Variants in WFIKKN1 observed in about 807,000 individuals in gnomAD.
WFIKKN1 encodes the protein WAP, Kazal, immunoglobulin, Kunitz and NTR domain-containing protein 1.
In WFIKKN1, 6 loss-of-function variants were observed where a neutral mutation model predicts 4.6. The observed-to-expected ratio is 1.31, with a 90% CI of 0.72 to 2.59. The LOEUF (loss-of-function observed/expected upper bound fraction) is 2.59. Among genes scored for constraint, WFIKKN1 ranks in the 30% most tolerant of loss-of-function variants. The pLI is 0.00. For missense variants in WFIKKN1, 964 were observed against 818.0 expected (o/e 1.18, Z -2.18); for synonymous variants, 468 against 367.4 (o/e 1.27, Z -3.13).
chr16:633,397 C>G lies in WFIKKN1; in HGVS notation c.987C>G (p.Phe329Leu). Reference sequence around the variant, plus strand: ...CGCAGCGGGGCGGCTGCATGACCTTCCCGGCCCGTGGCTGTGATGGGGCGG... The same window carrying G: ...CGCAGCGGGGCGGCTGCATGACCTTGCCGGCCCGTGGCTGTGATGGGGCGG... ...YDPQRGGCMT[F>L]PARGCDGAAR... The change falls in exon 2 of 2, where the codon TTC becomes TTG. Residue 329 changes from phenylalanine (F) to leucine (L), a missense_variant. Transcript: ENST00000319070. The G allele has an allele frequency of 1.3e-6, 2 of 1,561,358 alleles. No individual in the cohort carries two copies. The highest frequency in any genetic ancestry group is 2.4e-5 in the South Asian group (2 of 85,048).
At position 632,847 on chromosome 16, in the gene WFIKKN1, G is replaced by A. The variant is rs913631372; in HGVS notation, c.437G>A (p.Cys146Tyr). 4.5e-6 allele frequency: 7 copies of A among 1,572,166 alleles called. No individual in the cohort carries two copies. The Admixed American group carries it at 7.1e-5, about 16-fold the overall frequency. The change falls in exon 2 of 2, where the codon TGC (cysteine) becomes TAC (tyrosine). Residue 146 changes from cysteine (C) to tyrosine (Y), a missense_variant. By Grantham distance (194) the Cys-to-Tyr change is radical. Coordinates refer to ENST00000319070, the MANE Select transcript of WFIKKN1 (RefSeq NM_053284.3). ...YNRCYMDAEA[C>Y]LRGLHLHIVP... ...CGCTGCTATATGGACGCCGAGGCCT[G>A]CCTGCGGGGCCTGCACCTCCACATC...
chr16:633,316 T>C lies in WFIKKN1; in HGVS notation c.906T>C (p.Asp302=), dbSNP rs1196807273. The C allele has an allele frequency of 1.3e-6, 2 of 1,593,858 alleles. No individual in the cohort carries two copies. The highest frequency in any genetic ancestry group is 1.7e-6 in the Non-Finnish European group (2 of 1,174,698). ...CAGCCCCGGCCGAGTGCCTGCCGGA[T>C]GTGCAGGCCTGCACGGGCCCCACTT... is the stretch of plus-strand genomic sequence containing the variant. ...SIPAPAECLP[D]VQACTGPTSP... is the part of the protein sequence containing the mutation. Residue 302 remains aspartate (D), a synonymous_variant, in exon 2 of 2, where the codon GAT becomes GAC. Coordinates refer to ENST00000319070, the MANE Select transcript of WFIKKN1 (RefSeq NM_053284.3).
Position 633,541 on chromosome 16 carries a change from C to A in WFIKKN1, c.1131C>A (p.Tyr377Ter). The A allele has an allele frequency of 6.5e-7, 1 of 1,530,532 alleles. No homozygotes were observed. The highest frequency in any genetic ancestry group is 2.0e-5 in the Admixed American group (1 of 48,794). 94.8% of individuals were successfully genotyped at this position (1,530,532 alleles called of 1,614,324 possible). A position where few individuals can be genotyped will look rare whatever the true frequency, so the allele number is the denominator to read the frequency against. The stretch of plus-strand genomic sequence containing the variant: ...GGGGCTGGGAGCCGCGCTGGGCCTA[C>A]AGCCCGCTGCTGCAGCAGTGCCATC... Reference protein sequence around the residue: ...PCRGWEPRWAYSPLLQQCHPF... With the variant: ...PCRGWEPRWA The change falls in exon 2 of 2, where the codon TAC becomes TAA. Residue 377 changes from tyrosine to a stop codon, truncating the protein, a stop_gained. Transcript: ENST00000319070. LOFTEE classifies it low-confidence loss of function (END_TRUNC).
chr16:632,405 GC>G, intron 1 of WFIKKN1, 176 bp from the exon 2 acceptor site: 1 of 654,542 alleles, frequency 1.5e-6, no homozygotes, highest in Admixed American at 4.0e-5. Flanking sequence ...AAGCCAGGTG[GC>G]ACCTCTGGCG....
chr16:633,160 C>A lies in WFIKKN1; in HGVS notation c.750C>A (p.Leu250=). The A allele has an allele frequency of 1.9e-6, 3 of 1,600,768 alleles. No individual in the cohort carries two copies. The South Asian group carries it at 3.3e-5, about 18-fold the overall frequency. The change falls in exon 2 of 2, where the codon CTC becomes CTA. Residue 250 remains leucine, a synonymous_variant. Transcript: ENST00000319070. Reference sequence around the variant, plus strand: ...TCACCAGCATCGGGCAGCTGGTGCTCTACAACGCGCGGCCCGAAGACGCCG... The same window carrying A: ...TCACCAGCATCGGGCAGCTGGTGCTATACAACGCGCGGCCCGAAGACGCCG... ...VVVTSIGQLV[L]YNARPEDAGL...
In WFIKKN1 at chr16:633,238, C is replaced by T; in HGVS notation, c.828C>T (p.Phe276=). Residue 276 remains phenylalanine, a synonymous_variant, in exon 2 of 2, where the codon TTC becomes TTT. Transcript: ENST00000319070. Reference sequence around the variant, plus strand: ...CTGCTGGGCTGCTGCGGGCTGACTTCCCACTCTCTGTGGTCCAGCGAGAGC... The same window carrying T: ...CTGCTGGGCTGCTGCGGGCTGACTTTCCACTCTCTGTGGTCCAGCGAGAGC... The part of the protein sequence containing the change: ...RNAAGLLRAD[F]PLSVVQREPA... 1 of 1,588,678 alleles carries T rather than the reference C, an allele frequency of 6.3e-7. No individual in the cohort carries two copies. Among genetic ancestry groups the T allele is most frequent in the Non-Finnish European group, 8.6e-7 (1 of 1,169,162 alleles).
Position 632,852 on chromosome 16 carries a change from C to A in WFIKKN1, c.442C>A (p.Arg148=). ...CTATATGGACGCCGAGGCCTGCCTGCGGGGCCTGCACCTCCACATCGTGCC... is the reference window on the plus strand; with the variant it reads ...CTATATGGACGCCGAGGCCTGCCTGAGGGGCCTGCACCTCCACATCGTGCC... ...RCYMDAEACL[R]GLHLHIVPCK... Residue 148 remains arginine, a synonymous_variant, in exon 2 of 2, where the codon CGG becomes AGG. Transcript: ENST00000319070. The A allele has an allele frequency of 6.4e-7, 1 of 1,572,968 alleles. No individual in the cohort carries two copies. The highest frequency in any genetic ancestry group is 8.6e-7 in the Non-Finnish European group (1 of 1,157,052).
Position 631,425 on chromosome 16 carries a change from G to T in WFIKKN1, c.171+1G>T. On this transcript the variant is annotated splice_donor_variant, in intron 1 of 1. Transcript: ENST00000319070. LOFTEE classifies it high-confidence loss of function. ...TGAGCGCGAGTGTAGCAGGGACCAGGTGAGTGTGGTCGGGCCGGGGTCCTG... is the reference window on the plus strand; with the variant it reads ...TGAGCGCGAGTGTAGCAGGGACCAGTTGAGTGTGGTCGGGCCGGGGTCCTG... The T allele has an allele frequency of 6.2e-7, 1 of 1,606,510 alleles. No individual in the cohort carries two copies.
chr16:633,574 G>A lies in WFIKKN1; in HGVS notation c.1164G>A (p.Val388=). 2 of 1,565,924 alleles carry A rather than the reference G, an allele frequency of 1.3e-6. No homozygotes were observed. The highest frequency in any genetic ancestry group is 1.7e-6 in the Non-Finnish European group (2 of 1,163,210). The part of the protein sequence containing the change: ...SPLLQQCHPF[V]YGGCEGNGNN... The stretch of plus-strand genomic sequence containing the variant: ...TGCTGCAGCAGTGCCATCCCTTCGT[G>A]TACGGTGGCTGCGAGGGCAACGGCA... Residue 388 remains valine (V), a synonymous_variant, in exon 2 of 2, where the codon GTG becomes GTA. Coordinates refer to ENST00000319070, the MANE Select transcript of WFIKKN1 (RefSeq NM_053284.3).
intron 1 of WFIKKN1, 161 bp downstream of exon 1, chr16:631,585 T>C (rs570755896): frequency 1.2e-6 from 1 of 840,812 alleles, no homozygotes; most frequent in African/African-American, 2.0e-5. Context: ...CCCTCATTTG[T>C]CTTAAGAATA....
Position 631,127 on chromosome 16 carries a change from C to A in WFIKKN1, c.-127C>A. On this transcript the variant is annotated 5_prime_UTR_variant, in exon 1 of 2. Coordinates refer to ENST00000319070, the MANE Select transcript of WFIKKN1 (RefSeq NM_053284.3). ...CTTCAGCCTCAGGGGCAAAAGGGAG[C>A]CCCGGGGTCCTGGTGGGGGCACCGA... The A allele has an allele frequency of 8.9e-7, 1 of 1,127,104 alleles. No homozygotes were observed. The highest frequency in any genetic ancestry group is 1.2e-6 in the Non-Finnish European group (1 of 824,206). The allele number at this position is 1,127,104 out of a possible 1,614,324, so 69.8% of individuals were successfully genotyped here. A position where few individuals can be genotyped will look rare whatever the true frequency, so the allele number is the denominator to read the frequency against.
rs767633977 is a variant in WFIKKN1, at chr16:633,044, C to T, written c.634C>T (p.Arg212Cys). The T allele has an allele frequency of 1.2e-5, 19 of 1,611,348 alleles. No homozygotes were observed. In the Middle Eastern group the frequency reaches 6.6e-4, roughly 56 times the overall value. Residue 212 changes from arginine to cysteine, a missense_variant, in exon 2 of 2, where the codon CGC (arginine) becomes TGC (cysteine). Arg to Cys is a radical substitution (Grantham distance 180). Transcript: ENST00000319070. ...CAGCCTCCACTGCGACGTCAGCGGCCGCCCGCCGCCTGCTGTGACCTGGGA... is the reference window on the plus strand; with the variant it reads ...CAGCCTCCACTGCGACGTCAGCGGCTGCCCGCCGCCTGCTGTGACCTGGGA... ...TASLHCDVSG[R>C]PPPAVTWEKQ...
chr16:633,493 G>A lies in WFIKKN1; in HGVS notation c.1083G>A (p.Leu361=). The change falls in exon 2 of 2, where the codon CTG becomes CTA. Residue 361 remains leucine, a synonymous_variant. Transcript: ENST00000319070. ...CARGPGDACV[L]PAVQGPCRGW... is the part of the protein sequence containing the mutation. ...GCGGCCCCGGCGACGCCTGCGTGCT[G>A]CCTGCCGTGCAGGGCCCCTGCCGGG... 6.6e-7 allele frequency: 1 copy of A among 1,516,700 alleles called. No homozygotes were observed. 94.0% of individuals were successfully genotyped at this position (1,516,700 alleles called of 1,614,324 possible).
In WFIKKN1 at chr16:631,006, G is replaced by T; in HGVS notation, c.-248G>T. 1.9e-6 allele frequency: 1 copy of T among 528,502 alleles called. No individual in the cohort carries two copies. Among genetic ancestry groups the T allele is most frequent in the Non-Finnish European group, 3.4e-6 (1 of 298,174 alleles). 32.7% of individuals were successfully genotyped at this position (528,502 alleles called of 1,614,324 possible). A position where few individuals can be genotyped will look rare whatever the true frequency, so the allele number is the denominator to read the frequency against. On this transcript the variant is annotated 5_prime_UTR_variant, in exon 1 of 2. Coordinates refer to ENST00000319070, the MANE Select transcript of WFIKKN1 (RefSeq NM_053284.3). Reference sequence around the variant, plus strand: ...GTTCAGACAGAGGGGCCAGGCTGAAGCTGGAGAGGAACCAGCGTCACACAG... The same window carrying T: ...GTTCAGACAGAGGGGCCAGGCTGAATCTGGAGAGGAACCAGCGTCACACAG...
rs763318090 is a variant in WFIKKN1, at chr16:633,220, G to C, written c.810G>C (p.Gly270=). The change falls in exon 2 of 2, where the codon GGG becomes GGC. Residue 270 remains glycine, a synonymous_variant. Transcript: ENST00000319070. The stretch of plus-strand genomic sequence containing the variant: ...CCTGCACCGCGCGCAACGCTGCTGG[G>C]CTGCTGCGGGCTGACTTCCCACTCT... ...LYTCTARNAA[G]LLRADFPLSV... 5 of 1,584,746 alleles carry C rather than the reference G, an allele frequency of 3.2e-6. No individual in the cohort carries two copies. The highest frequency in any genetic ancestry group is 4.3e-6 in the Non-Finnish European group (5 of 1,165,898).
rs1322512918 is a variant in WFIKKN1 at position 631,545 on chromosome 16, T to A, written c.171+121T>A. On this transcript the variant is annotated intron_variant, in intron 1 of 1. Coordinates refer to ENST00000319070, the MANE Select transcript of WFIKKN1 (RefSeq NM_053284.3). ...TCTGGGGGGTCTGGGTCTGGGCCCC[T>A]TAAGGGGCCCAGAGACACCCCCATC... The A allele has an allele frequency of 2.3e-6, 3 of 1,282,120 alleles. No individual in the cohort carries two copies. The South Asian group carries it at 4.5e-5, about 19-fold the overall frequency. 79.4% of individuals were successfully genotyped at this position (1,282,120 alleles called of 1,614,324 possible). A position where few individuals can be genotyped will look rare whatever the true frequency, so the allele number is the denominator to read the frequency against.
chr16:631,870 A>G (rs1355299700), intron 1 of WFIKKN1: 1 of 66,872 alleles, frequency 1.5e-5, no homozygotes, highest in East Asian at 3.9e-4. Context: ...CACTCCTCCC[A>G]TCCACTTCTT....
chr16:631,166 G>C lies in WFIKKN1; in HGVS notation c.-88G>C. ...TGGGGGCACCGACCACAGGCCCGGA[G>C]GGTGGATGCCTGCAGGAAGCTGGGC... On this transcript the variant is annotated 5_prime_UTR_variant, in exon 1 of 2. Transcript: ENST00000319070. 2.1e-6 allele frequency: 3 copies of C among 1,432,520 alleles called. No homozygotes were observed. The highest frequency in any genetic ancestry group is 2.7e-5 in the South Asian group (2 of 73,032). 88.7% of individuals were successfully genotyped at this position (1,432,520 alleles called of 1,614,324 possible).
rs1016802547 is a variant in WFIKKN1, at chr16:633,275, G to A, written c.865G>A (p.Ala289Thr). 2.0e-5 allele frequency: 32 copies of A among 1,581,242 alleles called. No homozygotes were observed. The highest frequency in any genetic ancestry group is 2.5e-5 in the Non-Finnish European group (29 of 1,167,690). The change falls in exon 2 of 2, where the codon GCA (alanine) becomes ACA (threonine). Residue 289 changes from alanine (A) to threonine (T), a missense_variant. Physicochemically the swap from Ala to Thr is moderately conservative, Grantham distance 58. Transcript: ENST00000319070. Reference protein sequence around the residue: ...SVVQREPARDAAPSIPAPAEC... With the variant: ...SVVQREPARDTAPSIPAPAEC... ...GGTCCAGCGAGAGCCGGCCAGGGAC[G>A]CAGCCCCCAGCATCCCAGCCCCGGC...
Sources: gnomAD v4.1 joint callset for allele counts on GRCh38, gnomAD v4.1.1 for gene constraint, MANE v1.5 for transcripts, NCBI Gene and HGNC (gene_info 2026-07-23, HGNC 2026-07-21) for gene names.